Variants in SYNJ2BP observed in about 807,000 individuals in gnomAD.
SYNJ2BP encodes synaptojanin-2-binding protein.
Under a neutral mutation model 16.9 loss-of-function variants are expected in SYNJ2BP, and 10 were observed. The ratio of observed to expected loss-of-function variants is 0.59; its 90% confidence interval spans 0.36 to 1.00. The LOEUF is 1.00. Among genes scored for constraint, SYNJ2BP ranks in the 50% least tolerant of loss-of-function variants. The pLI, the probability that SYNJ2BP is intolerant of heterozygous loss-of-function variation, is 0.01. For synonymous variants in SYNJ2BP, 54 were observed against 68.4 expected (o/e 0.79, Z 1.04); for missense variants, 162 against 186.7 (o/e 0.87, Z 0.77).
chr14:70,394,458 C>T (rs1223969725), intron 1 of SYNJ2BP, among the ~76,000 whole-genome samples: 1 of 133,344 alleles, frequency 7.5e-6, no homozygotes, highest in South Asian at 2.5e-4. Context: ...TGGGATTCAA[C>T]TTTTTTTTTT....
intron 1 of SYNJ2BP, among the ~76,000 whole-genome samples, chr14:70,407,668 T>A (rs1221347354): frequency 6.6e-6 from 1 of 151,766 alleles, no homozygotes; most frequent in Non-Finnish European, 1.5e-5. Flanking sequence ...AAAAAAAACA[T>A]AGAAGATGAA....
At chr14:70,390,329 T>C (rs1279816193) in intron 1 of SYNJ2BP, among the ~76,000 whole-genome samples, 10 of 152,126 alleles carry the variant, frequency 6.6e-5, no homozygotes, top group Non-Finnish European at 1.3e-4. Context: ...GGAATAACCA[T>C]AATCACCAGC....
Position 70,410,703 on chromosome 14 carries a change from T to C in SYNJ2BP, c.64+6197A>G, listed in dbSNP as rs181699199. ...GCAGCCATGAAAAAGAACAAGATCA[T>C]GTCATTCGCAGGAACGTGGATGCAG... On this transcript the variant is annotated intron_variant, in intron 1 of 3. Coordinates refer to ENST00000256366, the MANE Select transcript of SYNJ2BP (RefSeq NM_018373.3). Among the ~76,000 whole-genome samples, 20 of 152,280 alleles carry C rather than the reference T, an allele frequency of 1.3e-4. No homozygotes were observed. The East Asian group carries it at 3.7e-3, about 28-fold the overall frequency.
chr14:70,416,317 CTTTTTTT>C (rs34083947), intron 1 of SYNJ2BP, among the ~76,000 whole-genome samples: 7 of 140,878 alleles, frequency 5.0e-5, no homozygotes, highest in Admixed American at 2.8e-4. Flanking sequence ...TTTTTATTTT[CTTTTTTT>C]TTTTTTTTTT....
intron 1 of SYNJ2BP, among the ~76,000 whole-genome samples, chr14:70,407,569 T>C (rs1014465705): frequency 6.6e-6 from 1 of 152,072 alleles, no homozygotes; most frequent in Non-Finnish European, 1.5e-5. Context: ...CTCCTTACAG[T>C]AGACTTTTTC....
In SYNJ2BP at chr14:70,369,789, AAT is replaced by A. The variant is rs1594937948; in HGVS notation, c.*3200_*3201del. 1 of 152,230 alleles carries A rather than the reference AAT, an allele frequency of 6.6e-6. No homozygotes were observed. The highest frequency in any genetic ancestry group is 6.5e-5 in the Admixed American group (1 of 15,278). The allele number at this position is 152,230 out of a possible 1,614,324, so 9.4% of individuals were successfully genotyped here. Reference sequence around the variant, plus strand: ...CAAAGTACAGCTAGTTGAAGCAAACAATATCTTATAATTATACATGTAATACA... The same window carrying A: ...CAAAGTACAGCTAGTTGAAGCAAACAATCTTATAATTATACATGTAATACA... On this transcript the variant is annotated 3_prime_UTR_variant, in exon 4 of 4. Coordinates refer to ENST00000256366, the MANE Select transcript of SYNJ2BP (RefSeq NM_018373.3).
At chr14:70,407,611 T>G (rs906181782) in intron 1 of SYNJ2BP, among the ~76,000 whole-genome samples, 1 of 152,088 alleles carries the variant, frequency 6.6e-6, no homozygotes, top group African/African-American at 2.4e-5. Flanking sequence ...GATAAAATGA[T>G]TTTTAAATAA....
chr14:70,379,924 A>C (rs1354634771), intron 2 of SYNJ2BP, among the ~76,000 whole-genome samples: 1 of 152,258 alleles, frequency 6.6e-6, no homozygotes, highest in Non-Finnish European at 1.5e-5. Context: ...TATAAATGCA[A>C]ATGAGATAAC....
intron 1 of SYNJ2BP, among the ~76,000 whole-genome samples, chr14:70,397,369 T>C (rs909479031): frequency 6.6e-6 from 1 of 152,198 alleles, no homozygotes; most frequent in East Asian, 1.9e-4. Context: ...TTACTGAAAA[T>C]GAGGATACTG....
chr14:70,416,748 A>G, intron 1 of SYNJ2BP, 152 bp downstream of exon 1: 2 of 1,146,558 alleles, frequency 1.7e-6, no homozygotes, highest in East Asian at 2.4e-5. Flanking sequence ...GGATTTCAAT[A>G]TATTTTCTCT....
Position 70,369,522 on chromosome 14 carries a change from G to A in SYNJ2BP, c.*3469C>T, listed in dbSNP as rs758960042. On this transcript the variant is annotated 3_prime_UTR_variant, in exon 4 of 4. Transcript: ENST00000256366. Reference sequence around the variant, plus strand: ...ATCTGAAGTCCTGAGTTTAAATCCTGATTCTATTATTACCACCTACATAAT... The same window carrying A: ...ATCTGAAGTCCTGAGTTTAAATCCTAATTCTATTATTACCACCTACATAAT... The A allele has an allele frequency of 1.4e-4, 22 of 152,144 alleles. No individual in the cohort carries two copies. The highest frequency in any genetic ancestry group is 2.5e-4 in the Non-Finnish European group (17 of 68,032). 9.4% of individuals were successfully genotyped at this position (152,144 alleles called of 1,614,324 possible).
chr14:70,390,696 C>T (rs767435341), intron 1 of SYNJ2BP, among the ~76,000 whole-genome samples: 19 of 151,506 alleles, frequency 1.3e-4, no homozygotes, highest in Non-Finnish European at 2.2e-4. Flanking sequence ...GAGACATATG[C>T]GGGCTTTCTG....
intron 1 of SYNJ2BP, 80 bp from the exon 2 acceptor site, chr14:70,388,686 GA>G: frequency 7.2e-7 from 1 of 1,391,326 alleles, no homozygotes. Context: ...GAAAGGGAGG[GA>G]AAGCCTACTG....
At chr14:70,374,178 T>C (rs1210986125) in intron 3 of SYNJ2BP, among the ~76,000 whole-genome samples, 2 of 152,254 alleles carry the variant, frequency 1.3e-5, no homozygotes, top group East Asian at 3.9e-4. Context: ...TCCAAAAGAA[T>C]TGTAATCATA....
chr14:70,408,290 A>G (rs1442877395), intron 1 of SYNJ2BP, among the ~76,000 whole-genome samples: 1 of 152,352 alleles, frequency 6.6e-6, no homozygotes, highest in Admixed American at 6.5e-5. Flanking sequence ...ACATAGCAGT[A>G]TCCTTAAAGC....
intron 2 of SYNJ2BP, among the ~76,000 whole-genome samples, chr14:70,387,199 A>G (rs1887878425): frequency 6.6e-6 from 1 of 152,180 alleles, no homozygotes; most frequent in African/African-American, 2.4e-5. Context: ...CACTGTTTCC[A>G]TACAAGTAAT....
At chr14:70,406,933 G>C (rs1451942754) in intron 1 of SYNJ2BP, among the ~76,000 whole-genome samples, 1 of 152,152 alleles carries the variant, frequency 6.6e-6, no homozygotes, top group African/African-American at 2.4e-5. Flanking sequence ...CCCTTGCCTT[G>C]ATAAATTGGC....
Position 70,371,280 on chromosome 14 carries a change from C to G in SYNJ2BP, c.*1711G>C, listed in dbSNP as rs1328421281. 2.0e-5 allele frequency: 3 copies of G among 152,200 alleles called. No individual in the cohort carries two copies. The highest frequency in any genetic ancestry group is 7.2e-5 in the African/African-American group (3 of 41,454). 9.4% of individuals were successfully genotyped at this position (152,200 alleles called of 1,614,324 possible). A position where few individuals can be genotyped will look rare whatever the true frequency, so the allele number is the denominator to read the frequency against. On this transcript the variant is annotated 3_prime_UTR_variant, in exon 4 of 4. Coordinates refer to ENST00000256366, the MANE Select transcript of SYNJ2BP (RefSeq NM_018373.3). ...GTATCCATTCATTCATATCCTCCTC[C>G]TAGGCCGCATGAAACACCTACCACA...
intron 3 of SYNJ2BP, among the ~76,000 whole-genome samples, chr14:70,375,180 ATTTCTCTTTTT>A (rs1175892141): frequency 3.8e-3 from 546 of 144,902 alleles, no homozygotes; most frequent in Non-Finnish European, 5.9e-3. Context: ...ACTGTTGTGA[ATTTCTCTTTTT>A]TTTCTCTTTT....
Sources: allele counts gnomAD v4.1 joint callset (sites outside exome capture counted in the v4.1 genomes callset), GRCh38; gene constraint gnomAD v4.1.1; transcripts MANE v1.5; gene names NCBI Gene and HGNC (gene_info 2026-07-23, HGNC 2026-07-21).